The following EVC2 variants were observed in gnomAD, a reference collection of about 807,000 sequenced individuals.
EVC2 encodes limbin.
In EVC2, 148 loss-of-function variants were observed where a neutral mutation model predicts 149.3. That is an observed-to-expected ratio of 0.99 (90% CI 0.87 to 1.14). The LOEUF (loss-of-function observed/expected upper bound fraction) is 1.14. Among genes scored for constraint, EVC2 ranks in the 50% most tolerant of loss-of-function variants. The pLI, the probability that EVC2 is intolerant of heterozygous loss-of-function variation, is 0.00. For missense variants in EVC2, 1,854 were observed against 1,627.3 expected (o/e 1.14, Z -2.40); for synonymous variants, 776 against 649.9 (o/e 1.19, Z -2.95).
At position 5,568,561 on chromosome 4, in the gene EVC2, A is replaced by C. The variant is rs1577099764; in HGVS notation, c.3440T>G (p.Leu1147Arg). 2 of 1,606,064 alleles carry C rather than the reference A, an allele frequency of 1.2e-6. No homozygotes were observed. Among genetic ancestry groups the C allele is most frequent in the Non-Finnish European group, 1.7e-6 (2 of 1,179,240 alleles). Residue 1147 changes from leucine (L) to arginine (R), a missense_variant, in exon 20 of 22, where the codon CTG becomes CGG. Coordinates refer to ENST00000344408, the MANE Select transcript of EVC2 (RefSeq NM_147127.5). ...ATLRRLLSVVLPTASQPQLLA... is the reference protein window; with the variant it reads ...ATLRRLLSVVRPTASQPQLLA... ...CAGCTGAGGCTGTGAGGCTGTGGGC[A>C]GTACCACACTCAGGAGCCGGCGAAG... is the stretch of plus-strand genomic sequence containing the variant.
At chr4:5,573,086 T>C (rs6819875) in intron 19 of EVC2, among the ~76,000 whole-genome samples, 68,630 of 152,020 alleles carry the variant, frequency 0.45, 16,777 homozygotes, top group East Asian at 0.86. Context: ...GTTCAGGAAG[T>C]ACCAGCTCCT....
chr4:5,663,055 G>A lies in EVC2; in HGVS notation c.1145+52C>T, dbSNP rs1314799915. ...CAGCATTTGGCCTTATGTCACTGTC[G>A]TTAAAACATTCATCACATGTGTGTA... On this transcript the variant is annotated intron_variant, in intron 9 of 21. Coordinates refer to ENST00000344408, the MANE Select transcript of EVC2 (RefSeq NM_147127.5). 1.7e-5 allele frequency: 28 copies of A among 1,609,698 alleles called. No homozygotes were observed. The East Asian group carries it at 3.3e-4, about 19-fold the overall frequency.
In EVC2 at chr4:5,633,601, C is replaced by T. The variant is rs190477511; in HGVS notation, c.1471-1569G>A. On this transcript the variant is annotated intron_variant, in intron 10 of 21. Coordinates refer to ENST00000344408, the MANE Select transcript of EVC2 (RefSeq NM_147127.5). The surrounding 1 kb of genome is among the most constrained non-coding windows in gnomAD (Gnocchi z 4.4). ...TGAAGCGAAGGCAGGGAAAGGCTTACGCGTGCAGGATGCGTGGGTACAGCC... is the reference window on the plus strand; with the variant it reads ...TGAAGCGAAGGCAGGGAAAGGCTTATGCGTGCAGGATGCGTGGGTACAGCC... Among the ~76,000 whole-genome samples, 24 of 152,334 alleles carry T rather than the reference C, an allele frequency of 1.6e-4. No homozygotes were observed. The highest frequency in any genetic ancestry group is 3.6e-4 in the African/African-American group (15 of 41,582).
intron 16 of EVC2, among the ~76,000 whole-genome samples, chr4:5,592,067 C>A (rs1469094041): frequency 6.6e-6 from 1 of 152,134 alleles, no homozygotes. Flanking sequence ...CCTCTCCTTG[C>A]CCAAGTTTGG....
intron 16 of EVC2, among the ~76,000 whole-genome samples, chr4:5,610,737 A>G (rs1408486893): frequency 2.1e-5 from 3 of 143,210 alleles, no homozygotes; most frequent in Non-Finnish European, 4.5e-5. Flanking sequence ...GCTGGTCTTT[A>G]CTCTTGCAGC....
chr4:5,559,623 G>A (rs369326550), downstream of EVC2, among the ~76,000 whole-genome samples: 6 of 152,040 alleles, frequency 3.9e-5, no homozygotes, highest in South Asian at 2.1e-4. The surrounding 1 kb of genome is among the most constrained non-coding windows in gnomAD (Gnocchi z 5.0). Flanking sequence ...GGAAGTACTC[G>A]GAAAAACATA....
chr4:5,649,560 G>T (rs556730999), intron 9 of EVC2, among the ~76,000 whole-genome samples: 9,958 of 152,104 alleles, frequency 0.065, 1,058 homozygotes, highest in African/African-American at 0.22. Context: ...TGGCAAGCAA[G>T]GTGTCAGAAC....
intron 9 of EVC2, among the ~76,000 whole-genome samples, chr4:5,652,385 C>T (rs981128279): frequency 2.0e-5 from 3 of 152,204 alleles, no homozygotes; most frequent in African/African-American, 7.2e-5. Flanking sequence ...TAAGGACAGA[C>T]GCACCCTCCG....
chr4:5,533,534 G>C, the EVC2 span, among the ~76,000 whole-genome samples: 1 of 152,328 alleles, frequency 6.6e-6, no homozygotes, highest in Admixed American at 6.5e-5. Context: ...TTTGAGCAGA[G>C]GAAAGACATG....
rs750442688 is a variant in EVC2, at chr4:5,694,337, G to C, written c.448C>G (p.Leu150Val). ...AAAGCATTGAACTTAATACTTACCA[G>C]GCGGTGTGTTATAGGAGACTCTCTT... ...FKRESPITHR[L>V]YGDISREVQG... Residue 150 changes from leucine to valine, a missense_variant and splice_region_variant, in exon 3 of 22, where the codon CTG becomes GTG. Coordinates refer to ENST00000344408, the MANE Select transcript of EVC2 (RefSeq NM_147127.5). 6 of 1,613,928 alleles carry C rather than the reference G, an allele frequency of 3.7e-6. No individual in the cohort carries two copies. The highest frequency in any genetic ancestry group is 5.1e-6 in the Non-Finnish European group (6 of 1,179,922).
intron 1 of EVC2, among the ~76,000 whole-genome samples, chr4:5,706,337 G>GATAGATAGATAGATAC (rs1560243185): frequency 1.8e-5 from 1 of 54,170 alleles, no homozygotes; most frequent in Non-Finnish European, 4.2e-5. Flanking sequence ...TAGATAGATA[G>GATAGATAGATAGATAC]ATACATAGAT....
intron 16 of EVC2, among the ~76,000 whole-genome samples, chr4:5,590,859 C>T (rs926107362): frequency 1.3e-5 from 2 of 152,110 alleles, no homozygotes; most frequent in African/African-American, 4.8e-5. Flanking sequence ...CCTCAGGAAA[C>T]TTATAGTCAT....
At chr4:5,557,167 A>C (rs1160143482) in intron 21 of EVC2, among the ~76,000 whole-genome samples, 1 of 152,110 alleles carries the variant, frequency 6.6e-6, no homozygotes, top group Non-Finnish European at 1.5e-5. Flanking sequence ...AGATGAACAA[A>C]TCCTGAAAAA....
rs1194971932 is a variant in EVC2, at chr4:5,636,816, AT to A, written c.1470+3697del. ...TAATACATCCAAAATATTTTTATGT[AT>A]TTTATTTAAAGATGACTATAACACA... On this transcript the variant is annotated intron_variant, in intron 10 of 21. Coordinates refer to ENST00000344408, the MANE Select transcript of EVC2 (RefSeq NM_147127.5). This position sits in a 1 kb window ranked among gnomAD's most constrained non-coding sequence, Gnocchi z 4.6. Among the ~76,000 whole-genome samples, 3 of 152,176 alleles carry A rather than the reference AT, an allele frequency of 2.0e-5. No individual in the cohort carries two copies. Among genetic ancestry groups the A allele is most frequent in the Non-Finnish European group, 4.4e-5 (3 of 68,034 alleles).
rs143027693 is a variant in EVC2 at position 5,665,626 on chromosome 4, G to T, written c.894C>A (p.His298Gln). 6.2e-7 allele frequency: 1 copy of T among 1,614,200 alleles called. No homozygotes were observed. Among genetic ancestry groups the T allele is most frequent in the Non-Finnish European group, 8.5e-7 (1 of 1,180,026 alleles). The change falls in exon 8 of 22, where the codon CAC becomes CAA. Residue 298 changes from histidine (H) to glutamine (Q), a missense_variant. Transcript: ENST00000344408. ...NVTVLPHHGL[H>Q]AAGFFIAFLL... ...GGAAGGCAATGAAGAACCCTGCTGC[G>T]TGGAGGCCGTGGTGCGGCAGAACCT...
intron 9 of EVC2, among the ~76,000 whole-genome samples, chr4:5,651,227 T>C (rs372028143): frequency 9.3e-5 from 13 of 140,304 alleles, no homozygotes; most frequent in Middle Eastern, 3.6e-3. Context: ...GAAGATTGGA[T>C]GGGTAGATGA....
At chr4:5,623,260 C>T (rs1031482847) in intron 13 of EVC2, among the ~76,000 whole-genome samples, 3 of 152,152 alleles carry the variant, frequency 2.0e-5, no homozygotes, top group African/African-American at 7.2e-5. Context: ...CTCAAGACAC[C>T]CAAGTAGCTG....
rs764869186 is a variant in EVC2, at chr4:5,633,087, T to A, written c.1471-1055A>T. 1.2e-4 allele frequency among the ~76,000 whole-genome samples: 19 copies of A among 152,150 alleles called. No individual in the cohort carries two copies. Among genetic ancestry groups the A allele is most frequent in the Non-Finnish European group, 2.4e-4 (16 of 68,008 alleles). Reference sequence around the variant, plus strand: ...TGGGCCTGACTCCTTAAAAGAAGCATTGGAGCCTTCCTAAAGAGAGAGACC... The same window carrying A: ...TGGGCCTGACTCCTTAAAAGAAGCAATGGAGCCTTCCTAAAGAGAGAGACC... On this transcript the variant is annotated intron_variant, in intron 10 of 21. Transcript: ENST00000344408. This position sits in a 1 kb window ranked among gnomAD's most constrained non-coding sequence, Gnocchi z 4.4.
intron 21 of EVC2, among the ~76,000 whole-genome samples, chr4:5,553,879 T>A (rs1721784962): frequency 6.6e-6 from 1 of 151,578 alleles, no homozygotes; most frequent in South Asian, 2.1e-4. Context: ...CAATAAAAAA[T>A]CCCCAGGCAT....
Sources: gnomAD v4.1 joint callset for allele counts (sites outside exome capture counted in the v4.1 genomes callset) on GRCh38, gnomAD v4.1.1 for gene constraint, Gnocchi (gnomAD v3.1) non-coding constraint, MANE v1.5 for transcripts, NCBI Gene and HGNC (gene_info 2026-07-23, HGNC 2026-07-21) for gene names.